The following LARP1B variants were observed in gnomAD, a reference collection of about 807,000 sequenced individuals.
LARP1B encodes the protein La ribonucleoprotein 1B.
LARP1B carries 76 observed loss-of-function variants against 114.2 expected under a neutral mutation model. The observed-to-expected ratio is 0.67, with a 90% CI of 0.55 to 0.81. LARP1B has a LOEUF of 0.81. LARP1B is among the 30% of genes least tolerant of loss of function. LARP1B has a pLI of 0.00. For missense variants in LARP1B, 1,014 were observed against 1,075.8 expected, an observed-to-expected ratio of 0.94 and a Z score of 0.80; for synonymous variants, 345 against 348.0, an observed-to-expected ratio of 0.99 and a Z score of 0.10.
chr4:128,214,041 C>T (rs973356003), downstream of LARP1B, among the ~76,000 whole-genome samples: 1 of 150,274 alleles, frequency 6.7e-6, no homozygotes, highest in African/African-American at 2.5e-5. Context: ...AAAGGGGTGA[C>T]GGACGCACCT....
chr4:128,111,172 G>A (rs1452167254), intron 9 of LARP1B, among the ~76,000 whole-genome samples: 5 of 151,692 alleles, frequency 3.3e-5, no homozygotes, highest in Admixed American at 2.6e-4. Context: ...TCAGCCTCCC[G>A]GGTAGCTGGG....
chr4:128,062,558 A>G (rs1476824498), intron 1 of LARP1B, among the ~76,000 whole-genome samples: 1 of 142,992 alleles, frequency 7.0e-6, no homozygotes, highest in African/African-American at 2.6e-5. Context: ...AACTTTAGAT[A>G]CTGCAGTGCT....
chr4:128,175,304 A>G (rs1016878299), intron 12 of LARP1B, among the ~76,000 whole-genome samples: 7 of 152,104 alleles, frequency 4.6e-5, no homozygotes. Context: ...ATCATAGCAT[A>G]TCTGTCACTC....
chr4:128,155,734 A>T, intron 11 of LARP1B: 1 of 1,608,652 alleles, frequency 6.2e-7, no homozygotes, highest in South Asian at 1.1e-5. Context: ...CGAGCGGAAC[A>T]AGCTGGCTGC....
intron 12 of LARP1B, among the ~76,000 whole-genome samples, chr4:128,174,770 C>G (rs1745202410): frequency 6.6e-6 from 1 of 152,016 alleles, no homozygotes; most frequent in Admixed American, 6.6e-5. Flanking sequence ...CATATCATTT[C>G]TCCTGGAAAT....
chr4:128,089,928 C>T (rs1257671637), intron 5 of LARP1B, among the ~76,000 whole-genome samples: 4 of 151,260 alleles, frequency 2.6e-5, no homozygotes, highest in Admixed American at 6.6e-5. Context: ...TCCACCACCA[C>T]GCCTGGCTAA....
intron 3 of LARP1B, among the ~76,000 whole-genome samples, chr4:128,076,085 C>T (rs1395135823): frequency 6.6e-6 from 1 of 152,098 alleles, no homozygotes; most frequent in Non-Finnish European, 1.5e-5. Flanking sequence ...GGGATTTCAG[C>T]TCACTGCAAC....
At chr4:128,188,743 TCTTTA>T (rs1751202250) in intron 15 of LARP1B, among the ~76,000 whole-genome samples, 1 of 152,230 alleles carries the variant, frequency 6.6e-6, no homozygotes, top group South Asian at 2.1e-4. Context: ...CTTCTTAATT[TCTTTA>T]TTAATCTGTT....
At chr4:128,065,309 C>CTTTCTTTCTTTG (rs1762200607) in intron 1 of LARP1B, among the ~76,000 whole-genome samples, 1 of 98,222 alleles carries the variant, frequency 1.0e-5, no homozygotes, top group African/African-American at 3.7e-5. Context: ...TTCTTTCTTT[C>CTTTCTTTCTTTG]TTTCTTTCTC....
chr4:128,184,906 A>G (rs1398727051), intron 15 of LARP1B, among the ~76,000 whole-genome samples: 1 of 152,184 alleles, frequency 6.6e-6, no homozygotes, highest in Admixed American at 6.5e-5. Context: ...TCTGCAAATG[A>G]CATAATTCTT....
chr4:128,131,962 T>A (rs1177665793), intron 11 of LARP1B, among the ~76,000 whole-genome samples: 3 of 152,210 alleles, frequency 2.0e-5, no homozygotes, highest in Non-Finnish European at 4.4e-5. Flanking sequence ...CTGCTGGGAA[T>A]GTAAAATGGT....
chr4:128,152,919 AAC>A (rs1284298665), intron 11 of LARP1B, among the ~76,000 whole-genome samples: 1 of 151,646 alleles, frequency 6.6e-6, no homozygotes, highest in Non-Finnish European at 1.5e-5. Context: ...ATTGTGATAA[AAC>A]ACACAACAGG....
intron 1 of LARP1B, among the ~76,000 whole-genome samples, chr4:128,073,341 C>CT (rs1203613908): frequency 6.8e-6 from 1 of 146,654 alleles, no homozygotes; most frequent in Non-Finnish European, 1.5e-5. Context: ...GCTTGAACCC[C>CT]GGAGGGGGAG....
intron 15 of LARP1B, among the ~76,000 whole-genome samples, chr4:128,196,479 A>G (rs1754164473): frequency 6.6e-6 from 1 of 151,906 alleles, no homozygotes; most frequent in African/African-American, 2.4e-5. Flanking sequence ...TGACCATGCC[A>G]CTGCACTCCA....
At chr4:128,149,167 C>T (rs572651384) in intron 11 of LARP1B, among the ~76,000 whole-genome samples, 42 of 152,046 alleles carry the variant, frequency 2.8e-4, no homozygotes, top group African/African-American at 1.0e-3. Flanking sequence ...CATTGCTGGC[C>T]CATTTAAAAA....
At chr4:128,063,086 T>C (rs1379688801) in intron 1 of LARP1B, among the ~76,000 whole-genome samples, 1 of 152,158 alleles carries the variant, frequency 6.6e-6, no homozygotes, top group African/African-American at 2.4e-5. Context: ...TGACCAATGC[T>C]GTATGGCCGT....
intron 10 of LARP1B, among the ~76,000 whole-genome samples, chr4:128,117,831 T>A (rs1347148590): frequency 6.6e-6 from 1 of 152,130 alleles, no homozygotes; most frequent in Non-Finnish European, 1.5e-5. Context: ...TGCTTGAGAT[T>A]TTTAAGATCA....
chr4:128,114,435 T>C, intron 9 of LARP1B, 135 bp from the exon 10 acceptor site: 2 of 662,300 alleles, frequency 3.0e-6, no homozygotes, highest in East Asian at 2.7e-5. Flanking sequence ...TGAAAATCAC[T>C]GGAAAGCTTA....
rs191340140 is a variant in LARP1B, at chr4:128,123,674, G to A, written c.1524+1486G>A. On this transcript the variant is annotated intron_variant, in intron 11 of 19. Transcript: ENST00000326639. The stretch of plus-strand genomic sequence containing the variant: ...AAGAAATGTTCAATTCATGTTTGTG[G>A]GTAAATAAATTATGGAGTAAACATT... The A allele has an allele frequency of 6.4e-5, 54 of 840,280 alleles. No individual in the cohort carries two copies. The African/African-American group carries it at 9.4e-4, about 15-fold the overall frequency. The allele number at this position is 840,280 out of a possible 1,614,324, so 52.1% of individuals were successfully genotyped here. A position where few individuals can be genotyped will look rare whatever the true frequency, so the allele number is the denominator to read the frequency against.
Sources: allele counts gnomAD v4.1 joint callset (sites outside exome capture counted in the v4.1 genomes callset), GRCh38; gene constraint gnomAD v4.1.1; transcripts MANE v1.5; gene names NCBI Gene and HGNC (gene_info 2026-07-23, HGNC 2026-07-21).